The following EPHX2 variants were observed in gnomAD, a reference collection of about 807,000 sequenced individuals.
The protein encoded by EPHX2 is bifunctional epoxide hydrolase 2.
EPHX2 carries 74 observed loss-of-function variants against 78.7 expected under a neutral mutation model. The observed-to-expected ratio is 0.94, with a 90% confidence interval of 0.78 to 1.14. The LOEUF (loss-of-function observed/expected upper bound fraction) is 1.14, where lower values mean the gene tolerates loss of function less well. Among genes scored for constraint, EPHX2 ranks in the 50% most tolerant of loss-of-function variants. EPHX2 has a pLI of 0.00. For missense variants in EPHX2, 715 were observed against 702.5 expected (o/e 1.02, Z -0.20); for synonymous variants, 251 against 255.2 (o/e 0.98, Z 0.16).
intron 13 of EPHX2, 77 bp downstream of exon 13, chr8:27,536,932 G>A (rs1815233283): frequency 2.0e-6 from 3 of 1,492,962 alleles, no homozygotes; most frequent in Non-Finnish European, 2.8e-6. Context: ...GTGTGGCAGG[G>A]ACCAGGAGTA....
At chr8:27,522,731 G>C (rs1408894710) in intron 11 of EPHX2, among the ~76,000 whole-genome samples, 1 of 152,054 alleles carries the variant, frequency 6.6e-6, no homozygotes, top group East Asian at 1.9e-4. Context: ...AGGCCAAGGT[G>C]GGTGGATCAC....
Position 27,491,172 on chromosome 8 carries a change from G to A in EPHX2, c.-37G>A. 6.5e-7 allele frequency: 1 copy of A among 1,544,680 alleles called. No homozygotes were observed. Among genetic ancestry groups the A allele is most frequent in the Non-Finnish European group, 8.7e-7 (1 of 1,152,446 alleles). On this transcript the variant is annotated 5_prime_UTR_variant, in exon 1 of 19. Coordinates refer to ENST00000521400, the MANE Select transcript of EPHX2 (RefSeq NM_001979.6). ...TGGCCTTCGCGCATCTCCCAGGTTA[G>A]CTGCGTGTCCGGGTGCTAGGCTGCA...
At chr8:27,512,997 G>C (rs564509862) in intron 6 of EPHX2, among the ~76,000 whole-genome samples, 1 of 152,316 alleles carries the variant, frequency 6.6e-6, no homozygotes, top group South Asian at 2.1e-4. Context: ...AGACCTTGGG[G>C]ACCCTTGCTG....
chr8:27,526,744 A>G (rs962079480), intron 12 of EPHX2, among the ~76,000 whole-genome samples: 13 of 151,878 alleles, frequency 8.6e-5, no homozygotes, highest in African/African-American at 3.1e-4. Flanking sequence ...TATGGTATTT[A>G]GCCCATTAAA....
chr8:27,493,047 G>T, intron 1 of EPHX2: 1 of 161,686 alleles, frequency 6.2e-6, no homozygotes, highest in South Asian at 1.9e-4. Flanking sequence ...AGCAGTCCTC[G>T]GTAGAAGTTG....
chr8:27,517,064 T>C (rs970307220), intron 8 of EPHX2, among the ~76,000 whole-genome samples: 3 of 151,986 alleles, frequency 2.0e-5, no homozygotes, highest in Non-Finnish European at 2.9e-5. Context: ...GGATTACACG[T>C]GTGTGCCACC....
At chr8:27,494,222 G>A (rs1175310514) in intron 1 of EPHX2, among the ~76,000 whole-genome samples, 3 of 152,284 alleles carry the variant, frequency 2.0e-5, no homozygotes, top group East Asian at 1.9e-4. Context: ...TGCCCCAGGG[G>A]CAGGCCTGAT....
intron 14 of EPHX2, chr8:27,539,397 GCTA>G (rs1815321862): frequency 6.6e-6 from 1 of 152,158 alleles, no homozygotes; most frequent in South Asian, 2.1e-4. Flanking sequence ...TCTGAAAAAT[GCTA>G]CTATTTTTAA....
intron 15 of EPHX2, 71 bp downstream of exon 15, chr8:27,540,727 G>A (rs2132801361): frequency 6.9e-7 from 1 of 1,449,820 alleles, no homozygotes; most frequent in East Asian, 2.3e-5. Flanking sequence ...CCCTCAGGGT[G>A]GAGGGTGAGG....
In EPHX2 at chr8:27,544,575, G is replaced by GTGGAATGTA; in HGVS notation, c.*53_*54insTGGAATGTA. 6.3e-7 allele frequency: 1 copy of GTGGAATGTA among 1,585,438 alleles called. No individual in the cohort carries two copies. Among genetic ancestry groups the GTGGAATGTA allele is most frequent in the Non-Finnish European group, 8.7e-7 (1 of 1,155,436 alleles). On this transcript the variant is annotated 3_prime_UTR_variant, in exon 19 of 19. Transcript: ENST00000521400. ...GTGTGCCATCCTTCCACCTGCTGGG[G>GTGGAATGTA]CACCATTCTTAGTATACAGAGGTGG... is the stretch of plus-strand genomic sequence containing the variant.
chr8:27,547,510 G>A (rs1025428722), downstream of EPHX2, among the ~76,000 whole-genome samples: 2 of 152,234 alleles, frequency 1.3e-5, no homozygotes, highest in African/African-American at 4.8e-5. Context: ...GTAGCAATCA[G>A]ATCAGGGTAA....
intron 5 of EPHX2, among the ~76,000 whole-genome samples, chr8:27,507,699 A>G (rs962346300): frequency 6.6e-6 from 1 of 152,212 alleles, no homozygotes; most frequent in Non-Finnish European, 1.5e-5. Flanking sequence ...TCGGGCTGCC[A>G]TAACAAAGTA....
intron 18 of EPHX2, 28 bp downstream of exon 18, chr8:27,544,272 G>A (rs367889162): frequency 1.4e-5 from 22 of 1,612,018 alleles, no homozygotes; most frequent in East Asian, 1.3e-4. Context: ...TCCTGGGGTC[G>A]GGGAGAGCAG....
downstream of EPHX2, among the ~76,000 whole-genome samples, chr8:27,546,735 A>C (rs1320366999): frequency 6.6e-6 from 1 of 152,242 alleles, no homozygotes; most frequent in African/African-American, 2.4e-5. Flanking sequence ...TTGGCAAGTA[A>C]GAGTTGAATA....
At chr8:27,541,684 G>A (rs934574966) in intron 16 of EPHX2, 142 bp downstream of exon 16, 7 of 814,270 alleles carry the variant, frequency 8.6e-6, no homozygotes, top group Non-Finnish European at 1.4e-5. Flanking sequence ...TGGGGTTTGG[G>A]AAGTGACTCC....
At chr8:27,500,575 C>A (rs1354137779) in intron 1 of EPHX2, among the ~76,000 whole-genome samples, 2 of 152,130 alleles carry the variant, frequency 1.3e-5, no homozygotes, top group African/African-American at 4.8e-5. Context: ...TGAAAAAGTT[C>A]TTTGAGACCA....
chr8:27,501,363 C>CTTCTTCTTCTTG, intron 2 of EPHX2, among the ~76,000 whole-genome samples: 1 of 128,354 alleles, frequency 7.8e-6, no homozygotes, highest in South Asian at 2.5e-4. Context: ...TCTTCTTCTT[C>CTTCTTCTTCTTG]TTCTTCTTCT....
At position 27,544,625 on chromosome 8, in the gene EPHX2, G is replaced by A. The variant is rs1292021973; in HGVS notation, c.*103G>A. The A allele has an allele frequency of 1.7e-6, 2 of 1,163,162 alleles. No individual in the cohort carries two copies. The highest frequency in any genetic ancestry group is 2.6e-6 in the Non-Finnish European group (2 of 778,874). 72.1% of individuals were successfully genotyped at this position (1,163,162 alleles called of 1,614,324 possible). Reference sequence around the variant, plus strand: ...GCCTTACACACATCTTGCATGGATGGCAGCATTGTTCTGAAGGGGTTTGCA... The same window carrying A: ...GCCTTACACACATCTTGCATGGATGACAGCATTGTTCTGAAGGGGTTTGCA... On this transcript the variant is annotated 3_prime_UTR_variant, in exon 19 of 19. Transcript: ENST00000521400.
chr8:27,520,861 CT>C, intron 9 of EPHX2, 21 bp from the exon 10 acceptor site: 1 of 1,614,178 alleles, frequency 6.2e-7, no homozygotes, highest in Middle Eastern at 1.6e-4. Flanking sequence ...CTGATTTTGC[CT>C]GTGTGTGTCT....
Sources: gnomAD v4.1 joint callset for allele counts (sites outside exome capture counted in the v4.1 genomes callset) on GRCh38, gnomAD v4.1.1 for gene constraint, MANE v1.5 for transcripts, NCBI Gene and HGNC (gene_info 2026-07-23, HGNC 2026-07-21) for gene names.